Variants in DPYS observed in about 807,000 individuals in gnomAD.
DPYS encodes dihydropyrimidinase.
In DPYS, 39 loss-of-function variants were observed where a neutral mutation model predicts 50.3. The ratio of observed to expected loss-of-function variants is 0.78; its 90% CI spans 0.60 to 1.01. The LOEUF is 1.01. Ranked by LOEUF, DPYS falls within the 50% of genes least tolerant of loss-of-function variation. The pLI is 0.00. For missense variants in DPYS, 659 were observed against 680.9 expected (o/e 0.97, Z 0.36); for synonymous variants, 245 against 250.7 (o/e 0.98, Z 0.22).
chr8:104,432,551 G>A (rs1812991662), intron 4 of DPYS, among the ~76,000 whole-genome samples: 1 of 152,180 alleles, frequency 6.6e-6, no homozygotes, highest in Non-Finnish European at 1.5e-5. Flanking sequence ...TAGCCAAAAG[G>A]ATACAGCCAA....
At chr8:104,451,969 G>A (rs890663906) in intron 1 of DPYS, among the ~76,000 whole-genome samples, 4 of 152,040 alleles carry the variant, frequency 2.6e-5, no homozygotes, top group Admixed American at 1.3e-4. Context: ...TCCTCATCTT[G>A]ACTATTGTAA....
intron 2 of DPYS, among the ~76,000 whole-genome samples, chr8:104,450,553 A>G (rs977811812): frequency 2.0e-5 from 3 of 152,258 alleles, no homozygotes; most frequent in Non-Finnish European, 4.4e-5. Context: ...GAGGAAATCA[A>G]CATATTTTAA....
intron 7 of DPYS, among the ~76,000 whole-genome samples, chr8:104,415,357 G>A (rs561945126): frequency 2.9e-4 from 44 of 152,322 alleles, no homozygotes; most frequent in African/African-American, 1.0e-3. Context: ...CAAATGATCA[G>A]TGATAGAATG....
intron 8 of DPYS, among the ~76,000 whole-genome samples, chr8:104,391,599 T>C (rs1261921514): frequency 6.6e-6 from 1 of 152,184 alleles, no homozygotes; most frequent in African/African-American, 2.4e-5. Flanking sequence ...AAACTCTGTG[T>C]GAACTAAACA....
chr8:104,457,270 G>A (rs540536171), intron 1 of DPYS, among the ~76,000 whole-genome samples: 26 of 152,294 alleles, frequency 1.7e-4, no homozygotes, highest in African/African-American at 5.1e-4. Flanking sequence ...AGTGACTGAC[G>A]GGCAGGGAGC....
rs367706394 is a variant in DPYS, at chr8:104,444,352, G to A, written c.689C>T (p.Thr230Met). The change falls in exon 4 of 10, where the codon ACG (threonine) becomes ATG (methionine). Residue 230 changes from threonine (T) to methionine (M), a missense_variant. Coordinates refer to ENST00000351513, the MANE Select transcript of DPYS (RefSeq NM_001385.3). ...CRPEAVEAEA[T>M]LRAITIASAV... ...GCTGGCTATGGTGATGGCTCTCAGC[G>A]TGGCCTCTGCCTCCACTGCCTCTGG... is the stretch of plus-strand genomic sequence containing the variant. The A allele has an allele frequency of 2.0e-5, 32 of 1,614,242 alleles. No homozygotes were observed. The highest frequency in any genetic ancestry group is 1.7e-4 in the African/African-American group (13 of 75,080).
chr8:104,418,856 C>G, intron 7 of DPYS: 2 of 208,500 alleles, frequency 9.6e-6, no homozygotes, highest in Non-Finnish European at 1.7e-5. Flanking sequence ...TTTGACTTTA[C>G]ATCTCCTCTC....
intron 7 of DPYS, among the ~76,000 whole-genome samples, chr8:104,422,274 A>G (rs1367522021): frequency 6.6e-6 from 1 of 152,250 alleles, no homozygotes; most frequent in Non-Finnish European, 1.5e-5. Flanking sequence ...ATAAAGAATG[A>G]CAGAGAATGA....
intron 7 of DPYS, among the ~76,000 whole-genome samples, chr8:104,393,371 T>C (rs1290780814): frequency 6.6e-6 from 1 of 152,214 alleles, no homozygotes; most frequent in Non-Finnish European, 1.5e-5. Context: ...TGACCCTATA[T>C]CCAGCTCTAT....
chr8:104,380,985 C>G, intron 9 of DPYS, 199 bp downstream of exon 9: 2 of 538,038 alleles, frequency 3.7e-6, no homozygotes, highest in South Asian at 4.1e-5. Flanking sequence ...GAATGACTCT[C>G]TAGCAAGCCC....
chr8:104,425,096 T>C (rs1319755858), intron 6 of DPYS, among the ~76,000 whole-genome samples: 1 of 152,066 alleles, frequency 6.6e-6, no homozygotes, highest in Non-Finnish European at 1.5e-5. Flanking sequence ...TCCCAAAGTG[T>C]TGGGATTACA....
Position 104,466,934 on chromosome 8 carries a change from C to T in DPYS, c.-14G>A. 5.2e-6 allele frequency: 7 copies of T among 1,333,892 alleles called. No individual in the cohort carries two copies. Among genetic ancestry groups the T allele is most frequent in the Non-Finnish European group, 5.9e-6 (6 of 1,025,402 alleles). The allele number at this position is 1,333,892 out of a possible 1,614,324, so 82.6% of individuals were successfully genotyped here. ...GGGCGCCGCCATAGCGAGGGGCGCG[C>T]GGGGTCCTACTCGGCCCGGGCTGCG... On this transcript the variant is annotated 5_prime_UTR_variant, in exon 1 of 10. Transcript: ENST00000351513.
chr8:104,381,397 G>C lies in DPYS; in HGVS notation c.1444-83C>G. The C allele has an allele frequency of 3.2e-6, 4 of 1,254,802 alleles. No individual in the cohort carries two copies. The South Asian group carries it at 4.8e-5, about 15-fold the overall frequency. The allele number at this position is 1,254,802 out of a possible 1,614,324, so 77.7% of individuals were successfully genotyped here. On this transcript the variant is annotated intron_variant, in intron 8 of 9. Transcript: ENST00000351513. ...GTGTAGCTCCCTTTATGAATTGCGA[G>C]AGCTTTAAAAAAAGAATCTTATAAA... is the stretch of plus-strand genomic sequence containing the variant.
At chr8:104,466,413 A>C (rs1814393207) in intron 1 of DPYS, among the ~76,000 whole-genome samples, 1 of 152,170 alleles carries the variant, frequency 6.6e-6, no homozygotes, top group African/African-American at 2.4e-5. Context: ...CTAAAGGAGG[A>C]GTCGAGGGCA....
chr8:104,429,704 G>C lies in DPYS; in HGVS notation c.794-3C>G, dbSNP rs774831950. 1 of 1,613,950 alleles carries C rather than the reference G, an allele frequency of 6.2e-7. No individual in the cohort carries two copies. Among genetic ancestry groups the C allele is most frequent in the Non-Finnish European group, 8.5e-7 (1 of 1,179,980 alleles). On this transcript the variant is annotated splice_region_variant and splice_polypyrimidine_tract_variant and intron_variant, in intron 4 of 9. Coordinates refer to ENST00000351513, the MANE Select transcript of DPYS (RefSeq NM_001385.3). The stretch of plus-strand genomic sequence containing the variant: ...GGGTTCACCATAGACCACCTTCCCT[G>C]GAAAGATTAAAAGAAGCATTCATCA...
At chr8:104,453,096 C>A (rs1399890357) in intron 1 of DPYS, among the ~76,000 whole-genome samples, 1 of 152,108 alleles carries the variant, frequency 6.6e-6, no homozygotes, top group Non-Finnish European at 1.5e-5. Flanking sequence ...ACCTGATATG[C>A]CAGCTCTATT....
At chr8:104,402,225 T>C (rs12545205) in intron 7 of DPYS, among the ~76,000 whole-genome samples, 32,072 of 152,148 alleles carry the variant, frequency 0.21, 4,121 homozygotes, top group Non-Finnish European at 0.28. Context: ...CAAACAGAGG[T>C]ATTTTATATA....
intron 8 of DPYS, among the ~76,000 whole-genome samples, chr8:104,384,023 C>T (rs1007218175): frequency 6.6e-6 from 1 of 152,162 alleles, no homozygotes; most frequent in Non-Finnish European, 1.5e-5. Flanking sequence ...TCTGACCCGA[C>T]TGGCTGGGTC....
At chr8:104,411,884 C>T (rs1158278184) in intron 7 of DPYS, 2 of 152,146 alleles carry the variant, frequency 1.3e-5, no homozygotes, top group Non-Finnish European at 2.9e-5. Context: ...GGAAAATTTT[C>T]TTCAGGCAAC....
Sources: gnomAD v4.1 joint callset for allele counts (sites outside exome capture counted in the v4.1 genomes callset) on GRCh38, gnomAD v4.1.1 for gene constraint, MANE v1.5 for transcripts, NCBI Gene and HGNC (gene_info 2026-07-23, HGNC 2026-07-21) for gene names.